The following YEATS4 variants were observed in gnomAD, a reference collection of about 807,000 sequenced individuals.
YEATS4 encodes YEATS domain-containing protein 4.
A neutral mutation model predicts 30.1 loss-of-function variants in YEATS4; 17 were observed. The observed-to-expected ratio is 0.56, with a 90% confidence interval of 0.39 to 0.85. The LOEUF (loss-of-function observed/expected upper bound fraction) is 0.85, where lower values mean the gene tolerates loss of function less well. Among genes scored for constraint, YEATS4 ranks in the 40% least tolerant of loss-of-function variants. YEATS4 has a pLI of 0.00. For synonymous variants in YEATS4, 85 were observed against 87.5 expected, an observed-to-expected ratio of 0.97 and a Z score of 0.16; for missense variants, 142 against 268.3, an observed-to-expected ratio of 0.53 and a Z score of 3.29.
chr12:69,400,135 A>C, the YEATS4 span, among the ~76,000 whole-genome samples: 1 of 152,160 alleles, frequency 6.6e-6, no homozygotes, highest in Non-Finnish European at 1.5e-5. Flanking sequence ...TCAATTAAAA[A>C]AAAAAAGCTT....
the YEATS4 span, among the ~76,000 whole-genome samples, chr12:69,403,379 C>A: frequency 1.3e-5 from 2 of 152,076 alleles, no homozygotes; most frequent in African/African-American, 4.8e-5. Context: ...GAGTTTAAGA[C>A]CAGCCCGGCC....
rs1460060344 is a variant in YEATS4 at position 69,362,830 on chromosome 12, C to T, written c.94C>T (p.Arg32Trp). ...VKPIVYGNVA[R>W]YFGKKREEDG... ...ACCAATAGTTTACGGTAATGTTGCT[C>T]GGTATTTTGGAAAGAAAAGAGAAGA... Residue 32 changes from arginine (R) to tryptophan (W), a missense_variant, in exon 2 of 7, where the codon CGG becomes TGG. This residue lies in a region of YEATS4 where 64 missense variants were observed against 164.0 expected (regional missense o/e 0.39). Coordinates refer to ENST00000247843, the MANE Select transcript of YEATS4 (RefSeq NM_006530.4). 9 of 1,611,314 alleles carry T rather than the reference C, an allele frequency of 5.6e-6. No homozygotes were observed. In the African/African-American group the frequency reaches 6.7e-5, roughly 12 times the overall value.
chr12:69,402,830 A>G, the YEATS4 span, among the ~76,000 whole-genome samples: 2 of 149,478 alleles, frequency 1.3e-5, no homozygotes, highest in African/African-American at 2.5e-5. Context: ...GGCTCATGCA[A>G]TTCTGCCTCA....
chr12:69,360,350 C>T (rs571767872), intron 1 of YEATS4, among the ~76,000 whole-genome samples: 68 of 152,302 alleles, frequency 4.5e-4, no homozygotes, highest in African/African-American at 1.4e-3. Context: ...CGCTGCCAAT[C>T]TAGGTTATTG....
chr12:69,381,233 A>G (rs942935312), intron 6 of YEATS4, among the ~76,000 whole-genome samples: 2 of 152,206 alleles, frequency 1.3e-5, no homozygotes, highest in African/African-American at 4.8e-5. Context: ...GCTTACCCTC[A>G]GGGACACATT....
intron 6 of YEATS4, among the ~76,000 whole-genome samples, chr12:69,386,856 G>GT (rs1868258301): frequency 6.6e-6 from 1 of 151,992 alleles, no homozygotes. Flanking sequence ...CCTATATACT[G>GT]TTTTTTCCTA....
At chr12:69,365,952 TAATG>T (rs1875412248) in intron 4 of YEATS4, 68 bp downstream of exon 4, 13 of 1,143,204 alleles carry the variant, frequency 1.1e-5, no homozygotes, top group South Asian at 1.1e-4. Flanking sequence ...TAATAATACT[TAATG>T]AATAGTGTTC....
Position 69,364,155 on chromosome 12 carries a change from A to G in YEATS4, c.171+1248A>G, listed in dbSNP as rs1490438685. ...GTGATTCTTATGAGACTCTGTGAAT[A>G]TAACTAAAAACCATTGGCTAGGCAA... On this transcript the variant is annotated intron_variant, in intron 2 of 6. Coordinates refer to ENST00000247843, the MANE Select transcript of YEATS4 (RefSeq NM_006530.4). 6.7e-6 allele frequency: 3 copies of G among 447,220 alleles called. No individual in the cohort carries two copies. The East Asian group carries it at 2.2e-4, about 33-fold the overall frequency. 27.7% of individuals were successfully genotyped at this position (447,220 alleles called of 1,614,324 possible).
chr12:69,360,919 C>T (rs1875176079), intron 1 of YEATS4, among the ~76,000 whole-genome samples: 1 of 151,266 alleles, frequency 6.6e-6, no homozygotes, highest in South Asian at 2.1e-4. Context: ...CGTGCAGGGC[C>T]GGGCAAGGTG....
At chr12:69,364,350 A>G (rs1875347417) in intron 2 of YEATS4, 5 of 232,050 alleles carry the variant, frequency 2.2e-5, no homozygotes, top group South Asian at 1.3e-4. Flanking sequence ...AAAGTTAGAT[A>G]TGAATGTAGA....
chr12:69,365,708 T>G lies in YEATS4; in HGVS notation c.238+9T>G. On this transcript the variant is annotated intron_variant, in intron 3 of 6. Coordinates refer to ENST00000247843, the MANE Select transcript of YEATS4 (RefSeq NM_006530.4). The stretch of plus-strand genomic sequence containing the variant: ...TGGCAATCCTTTAAGAGGTACAATA[T>G]AGTCTTTTGATTCACAATATCCAAA... The G allele has an allele frequency of 6.2e-7, 1 of 1,608,934 alleles. No homozygotes were observed. The highest frequency in any genetic ancestry group is 1.1e-5 in the South Asian group (1 of 89,938).
At chr12:69,408,281 A>T in the YEATS4 span, among the ~76,000 whole-genome samples, 1 of 152,064 alleles carries the variant, frequency 6.6e-6, no homozygotes, top group Non-Finnish European at 1.5e-5. Flanking sequence ...TAGTGCTAGT[A>T]ACATCTTACA....
At chr12:69,391,599 T>C (rs188898135), downstream of YEATS4, among the ~76,000 whole-genome samples, 66 of 152,044 alleles carry the variant, frequency 4.3e-4, no homozygotes, top group African/African-American at 1.5e-3. Flanking sequence ...TTTGCAATTA[T>C]TATGGAGGAT....
chr12:69,425,931 A>G, the YEATS4 span, among the ~76,000 whole-genome samples: 1 of 152,126 alleles, frequency 6.6e-6, no homozygotes, highest in Non-Finnish European at 1.5e-5. Context: ...CTGCCCTGGA[A>G]TTGTACTCCC....
intron 6 of YEATS4, among the ~76,000 whole-genome samples, chr12:69,375,308 C>T (rs1318045740): frequency 1.2e-4 from 17 of 145,274 alleles, no homozygotes; most frequent in African/African-American, 3.4e-4. Context: ...TCAGATGGGG[C>T]GGCGGGGCAG....
At chr12:69,368,661 A>G (rs752271426) in intron 4 of YEATS4, among the ~76,000 whole-genome samples, 2 of 152,210 alleles carry the variant, frequency 1.3e-5, no homozygotes, top group Non-Finnish European at 2.9e-5. Context: ...TGAAGGCTAG[A>G]AGTCTGAAAT....
chr12:69,383,909 ATAT>A (rs1876174242), intron 6 of YEATS4, among the ~76,000 whole-genome samples: 1 of 152,162 alleles, frequency 6.6e-6, no homozygotes, highest in Non-Finnish European at 1.5e-5. Context: ...ATAAACTAGT[ATAT>A]TTGTAGGCTG....
chr12:69,394,615 G>GTT (rs1491560211), downstream of YEATS4, among the ~76,000 whole-genome samples: 38 of 147,718 alleles, frequency 2.6e-4, no homozygotes, highest in African/African-American at 9.6e-4. Context: ...GATGGAGATA[G>GTT]TGTGTTTGTT....
intron 6 of YEATS4, among the ~76,000 whole-genome samples, chr12:69,389,257 C>G (rs1868287105): frequency 6.6e-6 from 1 of 151,896 alleles, no homozygotes; most frequent in Admixed American, 6.6e-5. Context: ...CGCAGTCAGC[C>G]TGGGCAACAC....
Sources: gnomAD v4.1 joint callset for allele counts (sites outside exome capture counted in the v4.1 genomes callset) on GRCh38, gnomAD v4.1.1 for gene constraint, gnomAD v4.1.1 regional missense constraint, MANE v1.5 for transcripts, NCBI Gene and HGNC (gene_info 2026-07-23, HGNC 2026-07-21) for gene names.